ARHGAP28: variants seen among roughly 807,000 people sequenced by gnomAD.
ARHGAP28 encodes the protein rho GTPase-activating protein 28.
A neutral mutation model predicts 90.7 loss-of-function variants in ARHGAP28; 56 were observed. The ratio of observed to expected loss-of-function variants is 0.62; its 90% CI spans 0.50 to 0.77. The LOEUF (loss-of-function observed/expected upper bound fraction) is 0.77. ARHGAP28 is among the 30% of genes least tolerant of loss of function. The pLI is 0.00. For missense variants in ARHGAP28, 869 were observed against 900.9 expected (o/e 0.96, Z 0.45); for synonymous variants, 308 against 323.3 (o/e 0.95, Z 0.51).
At chr18:6,881,875 T>C (rs1172846497) in intron 10 of ARHGAP28, among the ~76,000 whole-genome samples, 1 of 152,160 alleles carries the variant, frequency 6.6e-6, no homozygotes, top group African/African-American at 2.4e-5. Context: ...GTGATCAGAG[T>C]AGAGAACTTC....
At chr18:6,794,729 T>A (rs1266881303) in intron 1 of ARHGAP28, among the ~76,000 whole-genome samples, 5 of 152,310 alleles carry the variant, frequency 3.3e-5, no homozygotes, top group Middle Eastern at 3.4e-3. Flanking sequence ...TTGTCCAGGC[T>A]GCAGTGCAGT....
At chr18:6,896,858 A>G (rs760566436) in intron 16 of ARHGAP28, 5 of 426,008 alleles carry the variant, frequency 1.2e-5, no homozygotes, top group Non-Finnish European at 2.1e-5. Flanking sequence ...CTTAATAGGT[A>G]TTGTCTATCT....
chr18:6,827,076 C>CGT (rs1567960682), intron 2 of ARHGAP28, among the ~76,000 whole-genome samples: 1 of 152,080 alleles, frequency 6.6e-6, no homozygotes, highest in African/African-American at 2.4e-5. Flanking sequence ...AAAAGTCTCC[C>CGT]GTGTCTACCT....
At chr18:6,810,756 A>T (rs1194807385) in intron 1 of ARHGAP28, among the ~76,000 whole-genome samples, 2 of 152,006 alleles carry the variant, frequency 1.3e-5, no homozygotes, top group Non-Finnish European at 2.9e-5. Flanking sequence ...CTAGAGGTGG[A>T]ACTTTGTGAG....
intron 1 of ARHGAP28, among the ~76,000 whole-genome samples, chr18:6,744,859 A>G (rs1342710615): frequency 2.0e-5 from 3 of 152,054 alleles, no homozygotes; most frequent in South Asian, 4.1e-4. Flanking sequence ...TATTTTATTT[A>G]TGTTTTTCAA....
chr18:6,862,493 T>C (rs972331827), intron 5 of ARHGAP28, among the ~76,000 whole-genome samples: 17 of 152,244 alleles, frequency 1.1e-4, no homozygotes, highest in African/African-American at 4.1e-4. Flanking sequence ...CAGTCTTTAA[T>C]CATTTCTTCA....
At chr18:6,863,792 T>TC (rs1258727434) in intron 5 of ARHGAP28, among the ~76,000 whole-genome samples, 1 of 151,528 alleles carries the variant, frequency 6.6e-6, no homozygotes, top group African/African-American at 2.4e-5. Flanking sequence ...TTTAATTTTT[T>TC]TTTTTTTTTG....
In ARHGAP28 at chr18:6,842,626, T is replaced by C. The variant is rs1600237481; in HGVS notation, c.543+5212T>C. ...TTCCATTGTCGTTGCTCTGTTGACT[T>C]TGATCCTTGGGTGTTGATTTATGTT... On this transcript the variant is annotated intron_variant, in intron 3 of 17. Transcript: ENST00000383472. Among the ~76,000 whole-genome samples, 3 of 152,206 alleles carry C rather than the reference T, an allele frequency of 2.0e-5. No individual in the cohort carries two copies. The East Asian group carries it at 5.8e-4, about 29-fold the overall frequency.
At chr18:6,852,552 G>T (rs1567970565) in intron 4 of ARHGAP28, among the ~76,000 whole-genome samples, 1 of 151,196 alleles carries the variant, frequency 6.6e-6, no homozygotes, top group Non-Finnish European at 1.5e-5. Flanking sequence ...AGCAAGTAGT[G>T]TTTTCTTTTT....
intron 7 of ARHGAP28, among the ~76,000 whole-genome samples, chr18:6,871,647 A>G (rs2057090767): frequency 6.6e-6 from 1 of 152,178 alleles, no homozygotes; most frequent in South Asian, 2.1e-4. Context: ...TGAAAAGTTT[A>G]TCTTGTGGAG....
At chr18:6,876,025 A>C in intron 9 of ARHGAP28, 106 bp from the exon 10 acceptor site, 2 of 916,616 alleles carry the variant, frequency 2.2e-6, no homozygotes, top group Non-Finnish European at 3.5e-6. Context: ...CCAGGCAAAT[A>C]TATATATGCT....
chr18:6,913,497 ACT>A lies in ARHGAP28; in HGVS notation c.*1350_*1351del, dbSNP rs2057409453. Reference sequence around the variant, plus strand: ...TATTGGTTTTAATGAGACCCAAATGACTCTCTCTTAACAATTCAAGCAGTAGA... The same window carrying A: ...TATTGGTTTTAATGAGACCCAAATGACTCTCTTAACAATTCAAGCAGTAGA... On this transcript the variant is annotated 3_prime_UTR_variant, in exon 18 of 18. Coordinates refer to ENST00000383472, the MANE Select transcript of ARHGAP28 (RefSeq NM_001366230.1). 6.6e-6 allele frequency: 1 copy of A among 152,088 alleles called. No homozygotes were observed. The highest frequency in any genetic ancestry group is 2.4e-5 in the African/African-American group (1 of 41,400). The allele number at this position is 152,088 out of a possible 1,614,324, so 9.4% of individuals were successfully genotyped here.
intron 1 of ARHGAP28, among the ~76,000 whole-genome samples, chr18:6,806,028 G>C (rs1013082402): frequency 6.6e-6 from 1 of 151,914 alleles, no homozygotes; most frequent in Non-Finnish European, 1.5e-5. Context: ...GGGACTACAG[G>C]CACACGCCAC....
chr18:6,906,914 A>C (rs2143848969), intron 16 of ARHGAP28, among the ~76,000 whole-genome samples: 1 of 152,298 alleles, frequency 6.6e-6, no homozygotes, highest in Non-Finnish European at 1.5e-5. Context: ...ATATAAATAA[A>C]ACACTCAAAG....
intron 1 of ARHGAP28, among the ~76,000 whole-genome samples, chr18:6,772,276 G>C (rs905759520): frequency 1.3e-5 from 2 of 152,038 alleles, no homozygotes; most frequent in Non-Finnish European, 2.9e-5. Flanking sequence ...GTTTCAACTG[G>C]GTGCTCTAAC....
intron 1 of ARHGAP28, among the ~76,000 whole-genome samples, chr18:6,732,592 GTGCTTGTT>G (rs2055891936): frequency 6.6e-6 from 1 of 152,194 alleles, no homozygotes; most frequent in Non-Finnish European, 1.5e-5. Flanking sequence ...GGGGGCTGCT[GTGCTTGTT>G]TGCCACACTC....
chr18:6,840,868 C>G (rs16950680), intron 3 of ARHGAP28, among the ~76,000 whole-genome samples: 6,252 of 152,138 alleles, frequency 0.041, 448 homozygotes, highest in African/African-American at 0.14. Flanking sequence ...TTAGAAAATT[C>G]AGATTGTTCC....
At chr18:6,909,545 G>A (rs1027493368) in intron 17 of ARHGAP28, among the ~76,000 whole-genome samples, 9 of 151,752 alleles carry the variant, frequency 5.9e-5, no homozygotes, top group African/African-American at 1.5e-4. Context: ...CACCCGCCTC[G>A]GCCTCCCAAG....
At chr18:6,785,132 A>G (rs1157031514) in intron 1 of ARHGAP28, among the ~76,000 whole-genome samples, 3 of 152,220 alleles carry the variant, frequency 2.0e-5, no homozygotes, top group Admixed American at 6.5e-5. Context: ...GGATTCTCCA[A>G]TAACTTCGTA....
Sources: gnomAD v4.1 joint callset for allele counts (sites outside exome capture counted in the v4.1 genomes callset) on GRCh38, gnomAD v4.1.1 for gene constraint, MANE v1.5 for transcripts, NCBI Gene and HGNC (gene_info 2026-07-23, HGNC 2026-07-21) for gene names.